Variants in CAMTA1 observed in about 807,000 individuals in gnomAD.
CAMTA1 encodes calmodulin-binding transcription activator 1.
CAMTA1 carries 27 observed loss-of-function variants against 170.9 expected under a neutral mutation model. The ratio of observed to expected loss-of-function variants is 0.16; its 90% CI spans 0.12 to 0.22. The LOEUF is 0.22. CAMTA1 is among the 10% of genes least tolerant of loss of function. The pLI, the probability that CAMTA1 is intolerant of heterozygous loss-of-function variation, is 1.00. For missense variants in CAMTA1, 1,619 were observed against 2,217.2 expected (o/e 0.73, Z 5.42); for synonymous variants, 833 against 891.5 (o/e 0.93, Z 1.17).
intron 6 of CAMTA1, among the ~76,000 whole-genome samples, chr1:7,484,556 A>G (rs1402327363): frequency 6.6e-6 from 1 of 152,160 alleles, no homozygotes; most frequent in Non-Finnish European, 1.5e-5. Flanking sequence ...TTGGGAGGCC[A>G]AGGCAGGTGG....
At chr1:7,287,387 G>A (rs978786018) in intron 5 of CAMTA1, among the ~76,000 whole-genome samples, 3 of 152,256 alleles carry the variant, frequency 2.0e-5, no homozygotes, top group African/African-American at 7.2e-5. Context: ...TGAGAGGGAA[G>A]ACCTCTGAGC....
chr1:7,335,143 G>GTGTGTGTGTGT (rs2083290253), intron 5 of CAMTA1, among the ~76,000 whole-genome samples: 2 of 69,934 alleles, frequency 2.9e-5, no homozygotes, highest in Admixed American at 1.7e-4. Context: ...TGTGTGTGGG[G>GTGTGTGTGTGT]GGGGGGGGGG....
chr1:7,254,918 C>G (rs562711542), intron 5 of CAMTA1, among the ~76,000 whole-genome samples: 10 of 152,290 alleles, frequency 6.6e-5, no homozygotes, highest in East Asian at 5.8e-4. Flanking sequence ...GGTAAGGTGC[C>G]TAATGAAATG....
intron 3 of CAMTA1, among the ~76,000 whole-genome samples, chr1:7,019,183 C>G (rs1045529601): frequency 1.3e-5 from 2 of 152,216 alleles, no homozygotes; most frequent in Non-Finnish European, 2.9e-5. Flanking sequence ...GTCTCTTAGT[C>G]TTCCCCTGAA....
chr1:6,863,435 A>G (rs1366516923), intron 3 of CAMTA1, among the ~76,000 whole-genome samples: 1 of 151,902 alleles, frequency 6.6e-6, no homozygotes, highest in Non-Finnish European at 1.5e-5. Flanking sequence ...GGTTTGTTTC[A>G]TGAGGTCAGA....
chr1:7,716,783 GGAAAT>G (rs1221900940), intron 11 of CAMTA1, among the ~76,000 whole-genome samples: 1 of 152,124 alleles, frequency 6.6e-6, no homozygotes. Flanking sequence ...TGTAGCCAAA[GGAAAT>G]GAAATTAGGA....
At chr1:7,704,766 G>A (rs1230829698) in intron 11 of CAMTA1, among the ~76,000 whole-genome samples, 4 of 148,170 alleles carry the variant, frequency 2.7e-5, no homozygotes, top group Admixed American at 1.3e-4. Flanking sequence ...TTCCAGCTGC[G>A]GCGAGTGGAG....
At chr1:6,787,204 C>T (rs1369481629) in intron 1 of CAMTA1, among the ~76,000 whole-genome samples, 1 of 152,202 alleles carries the variant, frequency 6.6e-6, no homozygotes, top group African/African-American at 2.4e-5. Context: ...TTCATGTTGG[C>T]TGGGTAAGGA....
At chr1:7,531,922 CT>C (rs1304900535) in intron 6 of CAMTA1, among the ~76,000 whole-genome samples, 9 of 152,146 alleles carry the variant, frequency 5.9e-5, no homozygotes. Context: ...TGAATGTTGG[CT>C]TTTGAACAGA....
intron 4 of CAMTA1, among the ~76,000 whole-genome samples, chr1:7,099,253 G>A (rs1277334702): frequency 2.0e-5 from 3 of 152,164 alleles, no homozygotes; most frequent in Admixed American, 1.3e-4. Flanking sequence ...GTTTCACCCT[G>A]TTGGCCAGGC....
chr1:7,361,469 G>A (rs375955510), intron 5 of CAMTA1, among the ~76,000 whole-genome samples: 3 of 152,176 alleles, frequency 2.0e-5, no homozygotes, highest in South Asian at 2.1e-4. Flanking sequence ...CAGAAGGGGA[G>A]GCTGGAGAAG....
In CAMTA1 at chr1:7,711,784, G is replaced by A. The variant is rs2096572822; in HGVS notation, c.2915-20664G>A. On this transcript the variant is annotated intron_variant, in intron 11 of 22. Transcript: ENST00000303635. ...GAACCAATGCCCCTGGCGCGCGTGTGTAAGATGTTTTATCTAATGATGTAA... is the reference window on the plus strand; with the variant it reads ...GAACCAATGCCCCTGGCGCGCGTGTATAAGATGTTTTATCTAATGATGTAA... Among the ~76,000 whole-genome samples the A allele has an allele frequency of 2.6e-5, 4 of 152,168 alleles. No homozygotes were observed. The East Asian group carries it at 7.7e-4, about 29-fold the overall frequency.
intron 5 of CAMTA1, among the ~76,000 whole-genome samples, chr1:7,256,793 G>A (rs113516702): frequency 0.12 from 17,761 of 152,150 alleles, 1,262 homozygotes; most frequent in Middle Eastern, 0.16. Flanking sequence ...TGTCTGGTGA[G>A]GGCCTGTTTC....
chr1:7,310,681 TCTCTCTCTCTCTCTCTCTCTC>T (rs1557491435), intron 5 of CAMTA1, among the ~76,000 whole-genome samples: 617 of 35,982 alleles, frequency 0.017, 31 homozygotes, highest in African/African-American at 0.034. Flanking sequence ...CCTTTCTTTC[TCTCTCTCTCTCTCTCTCTCTC>T]TTTCTTTCTT....
chr1:7,052,535 C>T (rs1028688004), intron 3 of CAMTA1, among the ~76,000 whole-genome samples: 1 of 152,176 alleles, frequency 6.6e-6, no homozygotes, highest in Non-Finnish European at 1.5e-5. Context: ...CATTCCTGGT[C>T]TCACACCCTC....
At chr1:7,672,383 C>G (rs1478026942) in intron 10 of CAMTA1, among the ~76,000 whole-genome samples, 1 of 152,040 alleles carries the variant, frequency 6.6e-6, no homozygotes, top group Non-Finnish European at 1.5e-5. Flanking sequence ...GTCCCACCAC[C>G]CATTTCTCCT....
intron 3 of CAMTA1, among the ~76,000 whole-genome samples, chr1:6,992,260 C>T (rs1000543899): frequency 2.7e-5 from 4 of 150,624 alleles, no homozygotes; most frequent in South Asian, 2.1e-4. Context: ...TTTGTAGCAA[C>T]GTGGTCTTGC....
chr1:7,230,440 C>T (rs1405763522), intron 4 of CAMTA1, among the ~76,000 whole-genome samples: 5 of 85,504 alleles, frequency 5.8e-5, no homozygotes, highest in Non-Finnish European at 7.4e-5. Flanking sequence ...TGACCCCCCC[C>T]CCCCGCCCCG....
chr1:7,640,528 G>T lies in CAMTA1; in HGVS notation c.639G>T (p.Glu213Asp). Residue 213 changes from glutamate to aspartate, a missense_variant, in exon 7 of 23, where the codon GAG (glutamate) becomes GAT (aspartate). Transcript: ENST00000303635. Reference protein sequence around the residue: ...KKEWAKWTKEELIGQLKPMFH... With the variant: ...KKEWAKWTKEDLIGQLKPMFH... ...AGTGGGCGAAATGGACGAAAGAAGA[G>T]CTCATCGGGCAGCTGAAACCCATGT... 1 of 1,614,228 alleles carries T rather than the reference G, an allele frequency of 6.2e-7. No homozygotes were observed. The highest frequency in any genetic ancestry group is 8.5e-7 in the Non-Finnish European group (1 of 1,180,038).
Sources: gnomAD v4.1 joint callset for allele counts (sites outside exome capture counted in the v4.1 genomes callset) on GRCh38, gnomAD v4.1.1 for gene constraint, MANE v1.5 for transcripts, NCBI Gene and HGNC (gene_info 2026-07-23, HGNC 2026-07-21) for gene names.